SMYD3: variants seen among roughly 807,000 people sequenced by gnomAD.
SMYD3 encodes the protein SET and MYND domain containing 3.
Under a neutral mutation model 57.7 loss-of-function variants are expected in SMYD3, and 36 were observed. That is an observed-to-expected ratio of 0.62 (90% CI 0.48 to 0.82). The LOEUF (loss-of-function observed/expected upper bound fraction) is 0.82. Among genes scored for constraint, SMYD3 ranks in the 40% least tolerant of loss-of-function variants. The pLI is 0.00. For synonymous variants in SMYD3, 211 were observed against 195.0 expected (o/e 1.08, Z -0.68); for missense variants, 515 against 538.8 (o/e 0.96, Z 0.44).
intron 5 of SMYD3, among the ~76,000 whole-genome samples, chr1:246,161,644 A>G (rs1037652706): frequency 1.3e-5 from 2 of 152,228 alleles, no homozygotes; most frequent in African/African-American, 2.4e-5. Flanking sequence ...AACCTGCAAC[A>G]AAGTGGTGGT....
intron 10 of SMYD3, among the ~76,000 whole-genome samples, chr1:245,839,437 G>A (rs1012485732): frequency 6.6e-6 from 1 of 151,834 alleles, no homozygotes; most frequent in Non-Finnish European, 1.5e-5. Context: ...CCAAAGTGCT[G>A]GGATTACAGG....
chr1:246,002,294 C>T (rs1050085525), intron 5 of SMYD3, among the ~76,000 whole-genome samples: 5 of 112,562 alleles, frequency 4.4e-5, no homozygotes, highest in Non-Finnish European at 6.1e-5. Flanking sequence ...ACGCCATTCT[C>T]CTGCCTCAGC....
Position 245,961,331 on chromosome 1 carries a change from G to T in SMYD3, c.532-31394C>A, listed in dbSNP as rs75888401. 3.9e-5 allele frequency among the ~76,000 whole-genome samples: 6 copies of T among 152,088 alleles called. No individual in the cohort carries two copies. In the South Asian group the frequency reaches 1.3e-3, roughly 32 times the overall value. On this transcript the variant is annotated intron_variant, in intron 5 of 11. Transcript: ENST00000490107. ...TCAGTCTGCTAAGTGAAGATATCTC[G>T]GTAAGAACTCCAATTTTAAGGGGAA...
intron 5 of SMYD3, among the ~76,000 whole-genome samples, chr1:246,155,438 A>C (rs2062007719): frequency 6.6e-6 from 1 of 152,232 alleles, no homozygotes; most frequent in South Asian, 2.1e-4. Flanking sequence ...ATGCTGATTA[A>C]AGAAAAATAT....
chr1:245,994,907 A>G (rs10924435), intron 5 of SMYD3, among the ~76,000 whole-genome samples: 76,876 of 151,928 alleles, frequency 0.51, 23,292 homozygotes, highest in Middle Eastern at 0.69. Context: ...TGGGTGGATC[A>G]CAAGGTCAAG....
At chr1:245,946,743 A>G (rs1002227964) in intron 5 of SMYD3, among the ~76,000 whole-genome samples, 1 of 152,190 alleles carries the variant, frequency 6.6e-6, no homozygotes, top group African/African-American at 2.4e-5. Flanking sequence ...TCATTCATTA[A>G]GGGTCTATTA....
At chr1:246,175,651 A>G (rs975945582) in intron 5 of SMYD3, among the ~76,000 whole-genome samples, 1 of 152,214 alleles carries the variant, frequency 6.6e-6, no homozygotes, top group African/African-American at 2.4e-5. Flanking sequence ...GAAACAGAGT[A>G]TCTTCTAATC....
At chr1:246,199,743 C>A (rs2062880308) in intron 5 of SMYD3, among the ~76,000 whole-genome samples, 1 of 152,188 alleles carries the variant, frequency 6.6e-6, no homozygotes, top group African/African-American at 2.4e-5. Flanking sequence ...GGAAGTTAAA[C>A]AAAGTAAACA....
At chr1:246,019,359 T>C (rs1185562343) in intron 5 of SMYD3, among the ~76,000 whole-genome samples, 1 of 152,230 alleles carries the variant, frequency 6.6e-6, no homozygotes, top group Non-Finnish European at 1.5e-5. Flanking sequence ...CTGGAGTCTC[T>C]CAAACGCTTT....
At chr1:246,312,027 A>G (rs924395685) in intron 5 of SMYD3, among the ~76,000 whole-genome samples, 15 of 152,196 alleles carry the variant, frequency 9.9e-5, no homozygotes, top group African/African-American at 3.6e-4. Context: ...GACTGAAAGC[A>G]TAATGCAAGC....
chr1:246,209,963 A>G (rs140374387), intron 5 of SMYD3, among the ~76,000 whole-genome samples: 2 of 152,172 alleles, frequency 1.3e-5, no homozygotes, highest in African/African-American at 4.8e-5. Context: ...ATGACATCTT[A>G]TCTGGTAACT....
At chr1:245,808,556 G>A (rs1351609257) in intron 10 of SMYD3, among the ~76,000 whole-genome samples, 3 of 152,154 alleles carry the variant, frequency 2.0e-5, no homozygotes, top group African/African-American at 4.8e-5. Flanking sequence ...GGAGGGAGCC[G>A]CCTGGACCGG....
At chr1:245,847,886 AT>A (rs2148442286) in intron 10 of SMYD3, among the ~76,000 whole-genome samples, 1 of 152,278 alleles carries the variant, frequency 6.6e-6, no homozygotes, top group South Asian at 2.1e-4. Flanking sequence ...CCTAAACACA[AT>A]TTCTCAAATC....
At chr1:246,148,006 G>C (rs2061880627) in intron 5 of SMYD3, among the ~76,000 whole-genome samples, 1 of 152,132 alleles carries the variant, frequency 6.6e-6, no homozygotes, top group African/African-American at 2.4e-5. Flanking sequence ...ACCGGGGTTG[G>C]GGCCGAGCCC....
chr1:246,296,728 G>C (rs950828614), intron 5 of SMYD3, among the ~76,000 whole-genome samples: 2 of 152,016 alleles, frequency 1.3e-5, no homozygotes, highest in Non-Finnish European at 2.9e-5. Context: ...GCATACCTTA[G>C]AAAATCAGAC....
At chr1:246,478,697 G>A (rs1210297798) in intron 1 of SMYD3, among the ~76,000 whole-genome samples, 2 of 103,830 alleles carry the variant, frequency 1.9e-5, no homozygotes, top group African/African-American at 5.6e-5. Flanking sequence ...CCTGTCCTCC[G>A]TCCTGGAGCT....
At chr1:245,920,872 T>C (rs188447380) in intron 7 of SMYD3, among the ~76,000 whole-genome samples, 12 of 152,318 alleles carry the variant, frequency 7.9e-5, no homozygotes, top group African/African-American at 2.6e-4. Flanking sequence ...ATTCTGGACG[T>C]CAGCTTTCGG....
At position 246,025,691 on chromosome 1, in the gene SMYD3, G is replaced by A. The variant is rs138790000; in HGVS notation, c.532-95754C>T. On this transcript the variant is annotated intron_variant, in intron 5 of 11. Coordinates refer to ENST00000490107, the MANE Select transcript of SMYD3 (RefSeq NM_001167740.2). ...AAGCTTAGCAATGTACCCTCTTGATGAAGGAAGTGAGCATGATCTCTCCCT... is the reference window on the plus strand; with the variant it reads ...AAGCTTAGCAATGTACCCTCTTGATAAAGGAAGTGAGCATGATCTCTCCCT... 3.8e-3 allele frequency among the ~76,000 whole-genome samples: 577 copies of A among 152,296 alleles called. 3 individuals are homozygous for A. Among genetic ancestry groups the A allele is most frequent in the Non-Finnish European group, 6.1e-3 (414 of 68,022 alleles).
At chr1:246,495,970 A>AATC (rs1461130403) in intron 1 of SMYD3, among the ~76,000 whole-genome samples, 4 of 150,948 alleles carry the variant, frequency 2.6e-5, no homozygotes, top group Non-Finnish European at 5.9e-5. Flanking sequence ...CTCAAAAAAT[A>AATC]ATAATAATAA....
Sources: allele counts gnomAD v4.1 joint callset (sites outside exome capture counted in the v4.1 genomes callset), GRCh38; gene constraint gnomAD v4.1.1; transcripts MANE v1.5; gene names NCBI Gene and HGNC (gene_info 2026-07-23, HGNC 2026-07-21).